ANO4: variants seen among roughly 807,000 people sequenced by gnomAD.
ANO4 encodes the protein anoctamin-4.
A neutral mutation model predicts 141.9 loss-of-function variants in ANO4; 69 were observed. That is an observed-to-expected ratio of 0.49 (90% CI 0.40 to 0.59). The LOEUF is 0.59. Ranked by LOEUF, ANO4 falls within the 20% of genes least tolerant of loss-of-function variation. The pLI, the probability that ANO4 is intolerant of heterozygous loss-of-function variation, is 0.00. For synonymous variants in ANO4, 350 were observed against 394.3 expected (o/e 0.89, Z 1.33); for missense variants, 894 against 1,162.2 (o/e 0.77, Z 3.36).
At chr12:101,003,577 ATTGTT>A (rs939492905) in intron 8 of ANO4, among the ~76,000 whole-genome samples, 40 of 152,156 alleles carry the variant, frequency 2.6e-4, no homozygotes, top group Admixed American at 2.4e-3. Context: ...TCGTATTAAT[ATTGTT>A]TTGTTTTGTC....
intron 8 of ANO4, among the ~76,000 whole-genome samples, chr12:100,994,380 G>C (rs1458931356): frequency 6.6e-6 from 1 of 152,150 alleles, no homozygotes; most frequent in Non-Finnish European, 1.5e-5. Flanking sequence ...AATGGCATTA[G>C]CGATGACACC....
chr12:100,838,479 C>A (rs979204174), intron 1 of ANO4, among the ~76,000 whole-genome samples: 1 of 152,026 alleles, frequency 6.6e-6, no homozygotes, highest in Non-Finnish European at 1.5e-5. Flanking sequence ...AATAAGAAGT[C>A]CACAGGGCCT....
At chr12:101,125,786 T>G (rs1190425809) in intron 26 of ANO4, among the ~76,000 whole-genome samples, 2 of 152,344 alleles carry the variant, frequency 1.3e-5, no homozygotes, top group Non-Finnish European at 2.9e-5. Context: ...GCTGCTGGAT[T>G]TGGTTTGCCA....
intron 14 of ANO4, among the ~76,000 whole-genome samples, chr12:101,054,520 G>A (rs2136690291): frequency 6.6e-6 from 1 of 152,114 alleles, no homozygotes; most frequent in South Asian, 2.1e-4. Flanking sequence ...TTTTTTTTGA[G>A]ACGGAGTCTC....
chr12:101,043,687 CTGAGG>C, intron 13 of ANO4, 52 bp downstream of exon 13: 10 of 1,335,558 alleles, frequency 7.5e-6, no homozygotes, highest in Non-Finnish European at 8.6e-6. Flanking sequence ...ATACACCTTC[CTGAGG>C]GATGGTGGGT....
In ANO4 at chr12:101,042,420, T is replaced by A. The variant is rs1346765991; in HGVS notation, c.1106T>A (p.Leu369Ter). Residue 369 changes from leucine to a stop codon, truncating the protein, a stop_gained, in exon 12 of 28, where the codon TTG becomes TAG. Transcript: ENST00000392977. LOFTEE classifies it high-confidence loss of function. ...CTCTTCCCAGCTGCCTTCATTGGAT[T>A]GTTTGTCTTTTTGTATGGCGTCACC... ...GMLFPAAFIG[L>*]FVFLYGVTTL... 1.2e-6 allele frequency: 2 copies of A among 1,614,032 alleles called. No individual in the cohort carries two copies. Among genetic ancestry groups the A allele is most frequent in the Non-Finnish European group, 1.7e-6 (2 of 1,180,024 alleles).
chr12:101,117,247 A>C (rs1481774417), intron 25 of ANO4, among the ~76,000 whole-genome samples: 1 of 152,128 alleles, frequency 6.6e-6, no homozygotes, highest in Non-Finnish European at 1.5e-5. Context: ...GGCCCAGTTC[A>C]TTTCAGGTTC....
intron 8 of ANO4, among the ~76,000 whole-genome samples, chr12:101,014,700 T>C (rs149989403): frequency 1.1e-4 from 16 of 152,350 alleles, no homozygotes; most frequent in Admixed American, 3.9e-4. Context: ...GATGTGTGGA[T>C]ATAGGCCTTG....
At chr12:100,872,697 G>A (rs1197898792) in intron 1 of ANO4, among the ~76,000 whole-genome samples, 1 of 152,170 alleles carries the variant, frequency 6.6e-6, no homozygotes, top group Non-Finnish European at 1.5e-5. Flanking sequence ...CTATAATTTT[G>A]TAAAAATGGG....
At chr12:101,000,486 G>T (rs1033045101) in intron 8 of ANO4, among the ~76,000 whole-genome samples, 1 of 152,072 alleles carries the variant, frequency 6.6e-6, no homozygotes, top group Non-Finnish European at 1.5e-5. Flanking sequence ...GAATCCTTCA[G>T]GCAGAGGTAC....
intron 1 of ANO4, among the ~76,000 whole-genome samples, chr12:100,816,491 G>A (rs1228921166): frequency 6.6e-6 from 1 of 151,856 alleles, no homozygotes; most frequent in Admixed American, 6.6e-5. Flanking sequence ...GGCAAGGAGT[G>A]GATATAGATG....
chr12:100,938,711 G>T (rs1308129834), intron 3 of ANO4, among the ~76,000 whole-genome samples: 1 of 152,134 alleles, frequency 6.6e-6, no homozygotes, highest in African/African-American at 2.4e-5. Context: ...ACAGTCTTTT[G>T]AGAGAGCTTC....
chr12:100,970,737 C>T (rs967628307), intron 5 of ANO4, among the ~76,000 whole-genome samples: 2 of 131,162 alleles, frequency 1.5e-5, no homozygotes, highest in African/African-American at 2.9e-5. Context: ...TTCTTTCTTT[C>T]GACAGAGACT....
At chr12:100,985,192 G>A (rs1188054672) in intron 7 of ANO4, among the ~76,000 whole-genome samples, 1 of 152,238 alleles carries the variant, frequency 6.6e-6, no homozygotes, top group Non-Finnish European at 1.5e-5. Flanking sequence ...AGCTGAGGAA[G>A]TCTAATTTAT....
intron 13 of ANO4, among the ~76,000 whole-genome samples, chr12:101,046,826 C>A (rs2047651751): frequency 1.3e-5 from 2 of 152,198 alleles, no homozygotes; most frequent in Admixed American, 1.3e-4. Context: ...CCCTTGGGAC[C>A]AGCAGGAGTT....
rs1045211588 is a variant in ANO4 at position 100,974,461 on chromosome 12, C to T, written c.558-384C>T. 7.2e-5 allele frequency among the ~76,000 whole-genome samples: 11 copies of T among 152,114 alleles called. No individual in the cohort carries two copies. In the East Asian group the frequency reaches 1.7e-3, roughly 24 times the overall value. Reference sequence around the variant, plus strand: ...ATATTAGTTAATATAATAGCGTGCCCACTAAATTATGTATGTTGCCCTCTG... The same window carrying T: ...ATATTAGTTAATATAATAGCGTGCCTACTAAATTATGTATGTTGCCCTCTG... On this transcript the variant is annotated intron_variant, in intron 6 of 27. Transcript: ENST00000392977.
intron 5 of ANO4, among the ~76,000 whole-genome samples, chr12:100,969,608 G>T (rs986473573): frequency 6.6e-6 from 1 of 152,166 alleles, no homozygotes; most frequent in African/African-American, 2.4e-5. Flanking sequence ...TCTGCAATTT[G>T]AAAACAATTT....
At position 100,765,673 on chromosome 12, in the gene ANO4, G is replaced by A. The variant is rs565514032; in HGVS notation, c.358+25568G>A. Among the ~76,000 whole-genome samples the A allele has an allele frequency of 2.0e-4, 30 of 146,454 alleles. No individual in the cohort carries two copies. In the East Asian group the frequency reaches 4.9e-3, roughly 24 times the overall value. On this transcript the variant is annotated intron_variant, in intron 3 of 29. Transcript: ENST00000644049. ...ATTCAGATGTGAGCTACCACGCCTGGCCTTTGTTTATGTTTTCAAAAAAAA... is the reference window on the plus strand; with the variant it reads ...ATTCAGATGTGAGCTACCACGCCTGACCTTTGTTTATGTTTTCAAAAAAAA...
intron 2 of ANO4, among the ~76,000 whole-genome samples, chr12:100,914,014 C>A (rs2041227924): frequency 6.6e-6 from 1 of 152,224 alleles, no homozygotes; most frequent in Non-Finnish European, 1.5e-5. Flanking sequence ...GTCTCTTCTC[C>A]TCATCTGCAA....
Sources: allele counts gnomAD v4.1 joint callset (sites outside exome capture counted in the v4.1 genomes callset), GRCh38; gene constraint gnomAD v4.1.1; transcripts MANE v1.5; gene names NCBI Gene and HGNC (gene_info 2026-07-23, HGNC 2026-07-21).